Variants in SF3B1 observed in about 807,000 individuals in gnomAD.
SF3B1 encodes the protein splicing factor 3b subunit 1.
A neutral mutation model predicts 153.8 loss-of-function variants in SF3B1; 12 were observed. The ratio of observed to expected loss-of-function variants is 0.08; its 90% confidence interval spans 0.05 to 0.13. SF3B1 has a LOEUF of 0.13. Ranked by LOEUF, SF3B1 falls within the 10% of genes least tolerant of loss-of-function variation. The pLI is 1.00. For missense variants in SF3B1, 513 were observed against 1,606.1 expected (o/e 0.32, Z 11.63); for synonymous variants, 498 against 525.2 (o/e 0.95, Z 0.71).
chr2:197,418,845 T>G, intron 4 of SF3B1: 1 of 1,544,512 alleles, frequency 6.5e-7, no homozygotes, highest in Middle Eastern at 1.7e-4. Context: ...CAGCACAGTT[T>G]AGAGTCTTCA....
chr2:197,403,594 A>G lies in SF3B1; in HGVS notation c.1710T>C (p.Tyr570=). Residue 570 remains tyrosine, a synonymous_variant, in exon 12 of 25, where the codon TAT becomes TAC. Transcript: ENST00000335508. The part of the protein sequence containing the change: ...LYKLDDLVRP[Y]VHKILVVIEP... ...ATTAAGGAGAACAAACCTTATGCAC[A>G]TATGGACGAACTAAGTCATCAAGTT... The G allele has an allele frequency of 6.4e-7, 1 of 1,561,184 alleles. No homozygotes were observed.
Position 197,409,783 on chromosome 2 carries a change from G to A in SF3B1, c.891C>T (p.Pro297=), listed in dbSNP as rs1345361485. ...SARKNRWDET[P]KTERDTPGHG... is the part of the protein sequence containing the mutation. ...CACTAGAAGTACCTCTCTCTGTTTT[G>A]GGGGTTTCATCCCATCTGTTTTTAC... Residue 297 remains proline (P), a synonymous_variant, in exon 7 of 25, where the codon CCC becomes CCT. Transcript: ENST00000335508. 2 of 1,612,708 alleles carry A rather than the reference G, an allele frequency of 1.2e-6. No homozygotes were observed. Among genetic ancestry groups the A allele is most frequent in the Admixed American group, 3.3e-5 (2 of 59,990 alleles).
At position 197,391,834 on chromosome 2, in the gene SF3B1, A is replaced by G. The variant is rs2084812960; in HGVS notation, c.*469T>C. ...ATGGAATTTTGACAAAGATGCCATCACTTTATATAGTTTTTATTCAGCTAA... is the reference window on the plus strand; with the variant it reads ...ATGGAATTTTGACAAAGATGCCATCGCTTTATATAGTTTTTATTCAGCTAA... On this transcript the variant is annotated 3_prime_UTR_variant, in exon 25 of 25. Transcript: ENST00000335508. The G allele has an allele frequency of 6.2e-6, 1 of 161,008 alleles. No individual in the cohort carries two copies. Among genetic ancestry groups the G allele is most frequent in the African/African-American group, 2.4e-5 (1 of 41,746 alleles). 10.0% of individuals were successfully genotyped at this position (161,008 alleles called of 1,614,324 possible).
intron 23 of SF3B1, among the ~76,000 whole-genome samples, chr2:197,393,641 CAG>C (rs568740197): frequency 3.2e-4 from 48 of 151,860 alleles, no homozygotes; most frequent in African/African-American, 1.1e-3. Flanking sequence ...TTAGTAGAGA[CAG>C]GGTTTCACCA....
intron 23 of SF3B1, among the ~76,000 whole-genome samples, chr2:197,394,057 G>A (rs1021752319): frequency 3.3e-5 from 5 of 151,938 alleles, no homozygotes; most frequent in Non-Finnish European, 4.4e-5. Context: ...TTTGGCACAC[G>A]CCTGTAATCC....
chr2:197,414,156 A>G (rs537902409), intron 6 of SF3B1, among the ~76,000 whole-genome samples: 8 of 152,340 alleles, frequency 5.3e-5, no homozygotes, highest in African/African-American at 1.9e-4. Flanking sequence ...CCAGGGGAGC[A>G]GGACTGAGAA....
intron 6 of SF3B1, among the ~76,000 whole-genome samples, chr2:197,410,339 A>G (rs1416391936): frequency 2.0e-5 from 3 of 152,124 alleles, no homozygotes; most frequent in African/African-American, 7.2e-5. Flanking sequence ...TCAGTAATCG[A>G]AGGCTTTCAG....
rs1024359924 is a variant in SF3B1 at position 197,433,428 on chromosome 2, G to A, written c.28+1544C>T. On this transcript the variant is annotated intron_variant, in intron 1 of 24. Transcript: ENST00000335508. ...AAGTTACCAATAAATAAGTATCAAA[G>A]CTATACTATCAATATCCCCAAATGA... is the stretch of plus-strand genomic sequence containing the variant. 8.5e-5 allele frequency among the ~76,000 whole-genome samples: 13 copies of A among 152,128 alleles called. No homozygotes were observed. In the East Asian group the frequency reaches 2.1e-3, roughly 25 times the overall value.
chr2:197,418,466 A>G, intron 5 of SF3B1, 43 bp downstream of exon 5: 1 of 1,436,880 alleles, frequency 7.0e-7, no homozygotes, highest in Non-Finnish European at 9.7e-7. Context: ...AACTGTATTT[A>G]TATTCTTTCA....
At chr2:197,425,154 T>G (rs2085313502) in intron 1 of SF3B1, among the ~76,000 whole-genome samples, 1 of 150,786 alleles carries the variant, frequency 6.6e-6, no homozygotes, top group Non-Finnish European at 1.5e-5. Flanking sequence ...AAAACTCATC[T>G]CAAATAAATA....
intron 24 of SF3B1, 26 bp downstream of exon 24, chr2:197,392,946 G>A (rs184510725): frequency 7.6e-5 from 104 of 1,368,902 alleles, no homozygotes; most frequent in Admixed American, 7.4e-4. Context: ...AAAAATCACC[G>A]ATTAAAAAAA....
chr2:197,425,323 G>A (rs552495145), intron 1 of SF3B1, among the ~76,000 whole-genome samples: 5 of 151,954 alleles, frequency 3.3e-5, no homozygotes, highest in African/African-American at 9.7e-5. Context: ...AAAATTAGCC[G>A]GGCATGGTGG....
At position 197,402,767 on chromosome 2, in the gene SF3B1, C is replaced by A. The variant is rs763149798; in HGVS notation, c.1866G>T (p.Glu622Asp). ...CTCTAGCTGTTGTGTTACGGACATACTCATCCATGTTATCTATATCAGGTC... is the reference window on the plus strand; with the variant it reads ...CTCTAGCTGTTGTGTTACGGACATAATCATCCATGTTATCTATATCAGGTC... Reference protein sequence around the residue: ...TMRPDIDNMDEYVRNTTARAF... With the variant: ...TMRPDIDNMDDYVRNTTARAF... Residue 622 changes from glutamate (E) to aspartate (D), a missense_variant, in exon 14 of 25, where the codon GAG becomes GAT. This residue lies in a region of SF3B1 where 11 missense variants were observed against 16.2 expected (regional missense o/e 0.68). Coordinates refer to ENST00000335508, the MANE Select transcript of SF3B1 (RefSeq NM_012433.4). This position sits in a 1 kb window ranked among gnomAD's most constrained non-coding sequence, Gnocchi z 4.6. 4 of 1,613,956 alleles carry A rather than the reference C, an allele frequency of 2.5e-6. No individual in the cohort carries two copies. The highest frequency in any genetic ancestry group is 3.4e-6 in the Non-Finnish European group (4 of 1,179,986).
chr2:197,393,986 C>T (rs1287476995), intron 23 of SF3B1, among the ~76,000 whole-genome samples: 1 of 151,946 alleles, frequency 6.6e-6, no homozygotes, highest in African/African-American at 2.4e-5. Context: ...GAGGTCAAGA[C>T]CAGCCTGGCC....
At chr2:197,399,781 TG>T (rs1204897209) in intron 20 of SF3B1, among the ~76,000 whole-genome samples, 1 of 152,188 alleles carries the variant, frequency 6.6e-6, no homozygotes, top group East Asian at 1.9e-4. Flanking sequence ...ACTAGGGTCC[TG>T]TATTCCATGA....
intron 1 of SF3B1, among the ~76,000 whole-genome samples, chr2:197,428,810 G>A (rs10164808): frequency 0.057 from 8,690 of 152,058 alleles, 800 homozygotes; most frequent in African/African-American, 0.2. Context: ...CATGAGAATC[G>A]CTTGAACCTG....
At chr2:197,407,673 T>C (rs1296033140) in intron 9 of SF3B1, among the ~76,000 whole-genome samples, 3 of 151,982 alleles carry the variant, frequency 2.0e-5, no homozygotes, top group Non-Finnish European at 2.9e-5. Flanking sequence ...ATATAAAATC[T>C]TGGTGAAGCA....
intron 1 of SF3B1, 65 bp from the exon 2 acceptor site, chr2:197,424,039 T>G: frequency 1.5e-6 from 2 of 1,297,804 alleles, no homozygotes; most frequent in Non-Finnish European, 2.2e-6. Flanking sequence ...CACAATGCAT[T>G]TCTTTACTAG....
At chr2:197,407,566 C>T (rs1380087721) in intron 9 of SF3B1, among the ~76,000 whole-genome samples, 2 of 149,840 alleles carry the variant, frequency 1.3e-5, no homozygotes, top group Non-Finnish European at 2.9e-5. Context: ...AATCACGCCA[C>T]TGCACTTCAG....
Sources: gnomAD v4.1 joint callset for allele counts (sites outside exome capture counted in the v4.1 genomes callset) on GRCh38, gnomAD v4.1.1 for gene constraint, gnomAD v4.1.1 regional missense constraint, Gnocchi (gnomAD v3.1) non-coding constraint, MANE v1.5 for transcripts, NCBI Gene and HGNC (gene_info 2026-07-23, HGNC 2026-07-21) for gene names.